The following MCF2L variants were observed in gnomAD, a reference collection of about 807,000 sequenced individuals.
The protein encoded by MCF2L is guanine nucleotide exchange factor DBS.
A neutral mutation model predicts 153.4 loss-of-function variants in MCF2L; 97 were observed. That is an observed-to-expected ratio of 0.63 (90% CI 0.54 to 0.75). MCF2L has a LOEUF of 0.75. Ranked by LOEUF, MCF2L falls within the 30% of genes least tolerant of loss-of-function variation. The probability of loss-of-function intolerance (pLI) is 0.00; values close to 1 mark genes in which losing one functional copy is unlikely to be tolerated. For missense variants in MCF2L, 1,347 were observed against 1,495.2 expected (o/e 0.90, Z 1.64); for synonymous variants, 659 against 632.2 (o/e 1.04, Z -0.64).
chr13:112,969,255 A>G lies in MCF2L; in HGVS notation c.-125A>G. On this transcript the variant is annotated 5_prime_UTR_variant, in exon 1 of 30. Coordinates refer to ENST00000535094, the MANE Select transcript of MCF2L (RefSeq NM_001112732.3). This position sits in a 1 kb window ranked among gnomAD's most constrained non-coding sequence, Gnocchi z 4.8. ...GCAGGGAGGCGGCGGCTGGAGGCTG[A>G]AAGCGCTGCCGTGGCCCCCTCCCCG... 1 of 1,412,790 alleles carries G rather than the reference A, an allele frequency of 7.1e-7. No individual in the cohort carries two copies. Among genetic ancestry groups the G allele is most frequent in the East Asian group, 2.8e-5 (1 of 35,908 alleles). The allele number at this position is 1,412,790 out of a possible 1,614,324, so 87.5% of individuals were successfully genotyped here.
At chr13:113,013,728 T>G (rs145700326) in intron 1 of MCF2L, among the ~76,000 whole-genome samples, 86 of 152,288 alleles carry the variant, frequency 5.6e-4, no homozygotes, top group African/African-American at 2.0e-3. Flanking sequence ...AGAGAAATTG[T>G]GTGGATGTTC....
intron 26 of MCF2L, chr13:113,090,598 C>T (rs769792493): frequency 9.0e-5 from 89 of 985,322 alleles, no homozygotes; most frequent in East Asian, 3.4e-4. Flanking sequence ...GAGACGGAGA[C>T]GTCTAATGCC....
chr13:112,906,702 G>A (rs764407885), intron 2 of MCF2L, among the ~76,000 whole-genome samples: 3 of 152,196 alleles, frequency 2.0e-5, no homozygotes, highest in East Asian at 1.9e-4. Context: ...TGGAAGGACC[G>A]CTATCATCTT....
chr13:112,993,204 G>A lies in MCF2L; in HGVS notation c.80-21559G>A, dbSNP rs1289911639. Among the ~76,000 whole-genome samples the A allele has an allele frequency of 6.6e-6, 1 of 152,240 alleles. No homozygotes were observed. The highest frequency in any genetic ancestry group is 1.5e-5 in the Non-Finnish European group (1 of 68,052). ...GAGGCTGGGGGAGGATCTGGTGATG[G>A]AGACACGATGGCACAGCCCCGGTGA... On this transcript the variant is annotated intron_variant, in intron 1 of 29. Transcript: ENST00000535094. The surrounding 1 kb of genome is among the most constrained non-coding windows in gnomAD (Gnocchi z 4.6).
intron 1 of MCF2L, among the ~76,000 whole-genome samples, chr13:112,980,524 A>G (rs1415999651): frequency 4.0e-5 from 6 of 151,208 alleles, no homozygotes; most frequent in Non-Finnish European, 8.9e-5. Context: ...GGCGTCAGGG[A>G]GAGGAAAGGG....
chr13:112,902,540 G>A (rs9603800), intron 2 of MCF2L, among the ~76,000 whole-genome samples: 4,936 of 152,294 alleles, frequency 0.032, 107 homozygotes, highest in South Asian at 0.047. Flanking sequence ...ATGGGTTCAC[G>A]TGGCTTTTAC....
At chr13:113,039,598 A>G (rs560407573) in intron 3 of MCF2L, among the ~76,000 whole-genome samples, 1 of 152,312 alleles carries the variant, frequency 6.6e-6, no homozygotes, top group East Asian at 1.9e-4. Flanking sequence ...TCTAGCCTAT[A>G]CAGAGAACTA....
chr13:113,078,982 A>C (rs1331901712), intron 15 of MCF2L, among the ~76,000 whole-genome samples: 1 of 152,232 alleles, frequency 6.6e-6, no homozygotes, highest in Non-Finnish European at 1.5e-5. Flanking sequence ...AGGAGGGAAG[A>C]GAGGGCGATG....
chr13:113,026,153 G>A (rs377378733), intron 3 of MCF2L, among the ~76,000 whole-genome samples: 12 of 148,034 alleles, frequency 8.1e-5, no homozygotes, highest in East Asian at 2.0e-4. Flanking sequence ...TCGGGGCAGA[G>A]TCTCTGTGAG....
chr13:113,029,681 C>T (rs1278580683), intron 3 of MCF2L, among the ~76,000 whole-genome samples: 4 of 152,186 alleles, frequency 2.6e-5, no homozygotes, highest in Admixed American at 6.5e-5. Flanking sequence ...GCTGGAGACG[C>T]GGAGCATTGC....
chr13:113,093,921 C>G (rs889023932), intron 26 of MCF2L: 1 of 152,372 alleles, frequency 6.6e-6, no homozygotes, highest in African/African-American at 2.4e-5. Context: ...TTCCTCTTCT[C>G]CCGCTGGGAG....
chr13:113,087,352 C>T lies in MCF2L; in HGVS notation c.2491C>T (p.His831Tyr). The T allele has an allele frequency of 6.2e-7, 1 of 1,613,424 alleles. No individual in the cohort carries two copies. Among genetic ancestry groups the T allele is most frequent in the Non-Finnish European group, 8.5e-7 (1 of 1,180,040 alleles). Residue 831 changes from histidine (H) to tyrosine (Y), a missense_variant, in exon 22 of 30, where the codon CAC becomes TAC. By Grantham distance (83) the His-to-Tyr change is moderately conservative (BLOSUM62 2). Transcript: ENST00000535094. ...ELARFKPMQRHLFLHEKAVLF... is the reference protein window; with the variant it reads ...ELARFKPMQRYLFLHEKAVLF... ...GGCCAGGTTCAAGCCCATGCAGCGG[C>T]ACCTGTTCCTGCACGAGAAGGCAGT...
intron 3 of MCF2L, among the ~76,000 whole-genome samples, chr13:113,038,068 G>A (rs2086255125): frequency 1.3e-5 from 2 of 152,084 alleles, no homozygotes; most frequent in African/African-American, 4.8e-5. Flanking sequence ...GAAATTTATA[G>A]ATATCACTTA....
chr13:113,075,216 T>TC (rs776784942), intron 11 of MCF2L, 27 bp downstream of exon 11: 32 of 1,541,522 alleles, frequency 2.1e-5, no homozygotes, highest in South Asian at 2.4e-5. Flanking sequence ...CCCACCCCAC[T>TC]CCCCCCCAGC....
chr13:113,075,255 C>G (rs2033347862), intron 11 of MCF2L, 66 bp downstream of exon 11: 2 of 1,433,452 alleles, frequency 1.4e-6, no homozygotes, highest in African/African-American at 1.4e-5. Context: ...CTCCCACATC[C>G]ACCACCGGCT....
chr13:113,074,497 C>A lies in MCF2L; in HGVS notation c.1050C>A (p.Ile350=). Reference sequence around the variant, plus strand: ...AGAAGATAGCAACCTTCACAGACATCGGCAACAGCCTGGCGCATGTGGAGC... The same window carrying A: ...AGAAGATAGCAACCTTCACAGACATAGGCAACAGCCTGGCGCATGTGGAGC... ...ASQKIATFTD[I]GNSLAHVEHL... The change falls in exon 10 of 30, where the codon ATC becomes ATA. Residue 350 remains isoleucine, a synonymous_variant. Coordinates refer to ENST00000535094, the MANE Select transcript of MCF2L (RefSeq NM_001112732.3). This position sits in a 1 kb window ranked among gnomAD's most constrained non-coding sequence, Gnocchi z 4.2. 1.2e-6 allele frequency: 2 copies of A among 1,614,060 alleles called. No homozygotes were observed. Among genetic ancestry groups the A allele is most frequent in the Non-Finnish European group, 1.7e-6 (2 of 1,180,018 alleles).
intron 27 of MCF2L, chr13:113,095,034 C>A (rs77946670): frequency 7.3e-7 from 1 of 1,369,616 alleles, no homozygotes; most frequent in Non-Finnish European, 9.8e-7. Flanking sequence ...ACAGTCCCCA[C>A]CCCCCTACCC....
At chr13:113,014,117 G>A (rs2084356028) in intron 1 of MCF2L, among the ~76,000 whole-genome samples, 1 of 152,250 alleles carries the variant, frequency 6.6e-6, no homozygotes, top group Non-Finnish European at 1.5e-5. Flanking sequence ...CGTGCTCCCA[G>A]CCAGTGCTGG....
chr13:112,989,904 C>T (rs748950824), intron 1 of MCF2L, among the ~76,000 whole-genome samples: 12 of 152,240 alleles, frequency 7.9e-5, no homozygotes, highest in African/African-American at 1.9e-4. Context: ...CAGGGTGAAA[C>T]GGTTCACCTC....
Sources: allele counts gnomAD v4.1 joint callset (sites outside exome capture counted in the v4.1 genomes callset), GRCh38; gene constraint gnomAD v4.1.1; non-coding constraint Gnocchi (gnomAD v3.1); transcripts MANE v1.5; gene names NCBI Gene and HGNC (gene_info 2026-07-23, HGNC 2026-07-21).